MACROD2: variants seen among roughly 807,000 people sequenced by gnomAD.
MACROD2 encodes mono-ADP ribosylhydrolase 2.
In MACROD2, 36 loss-of-function variants were observed where a neutral mutation model predicts 70.4. The observed-to-expected ratio is 0.51, with a 90% CI of 0.39 to 0.68. MACROD2 has a LOEUF of 0.68. MACROD2 is among the 30% of genes least tolerant of loss of function. The probability of loss-of-function intolerance (pLI) is 0.00; values close to 1 mark genes in which losing one functional copy is unlikely to be tolerated. For missense variants in MACROD2, 496 were observed against 538.4 expected (o/e 0.92, Z 0.78); for synonymous variants, 172 against 178.8 (o/e 0.96, Z 0.30).
intron 4 of MACROD2, among the ~76,000 whole-genome samples, chr20:14,586,931 T>G (rs1299591280): frequency 6.6e-6 from 1 of 151,994 alleles, no homozygotes; most frequent in Non-Finnish European, 1.5e-5. Flanking sequence ...TCCAGGATTT[T>G]GACATAATAT....
rs747988053 is a variant in MACROD2, at chr20:14,501,783, G to A, written c.301+8275G>A. Reference sequence around the variant, plus strand: ...GCCCTCTTTTCAGATGTGGAAATACGTTGGTAAAAATTCTAGGCTCTTATA... The same window carrying A: ...GCCCTCTTTTCAGATGTGGAAATACATTGGTAAAAATTCTAGGCTCTTATA... On this transcript the variant is annotated intron_variant, in intron 4 of 17. Coordinates refer to ENST00000684519, the MANE Select transcript of MACROD2 (RefSeq NM_001351661.2). Among the ~76,000 whole-genome samples, 8 of 152,110 alleles carry A rather than the reference G, an allele frequency of 5.3e-5. No individual in the cohort carries two copies. The East Asian group carries it at 5.8e-4, about 11-fold the overall frequency.
chr20:14,844,635 A>G (rs989105014), intron 5 of MACROD2, among the ~76,000 whole-genome samples: 2 of 152,108 alleles, frequency 1.3e-5, no homozygotes, highest in African/African-American at 4.8e-5. Context: ...CTACTTTAGT[A>G]TAAACTCAGA....
At chr20:15,793,515 G>A (rs905052687) in intron 8 of MACROD2, among the ~76,000 whole-genome samples, 7 of 151,820 alleles carry the variant, frequency 4.6e-5, no homozygotes, top group African/African-American at 1.7e-4. Flanking sequence ...AGATTCTGGG[G>A]CATTTTAATT....
chr20:14,836,953 C>T (rs1477370001), intron 5 of MACROD2, among the ~76,000 whole-genome samples: 3 of 151,936 alleles, frequency 2.0e-5, no homozygotes, highest in Non-Finnish European at 4.4e-5. Flanking sequence ...TAGAAAGCAC[C>T]TGTGCTTATA....
intron 15 of MACROD2, among the ~76,000 whole-genome samples, chr20:16,037,617 T>G (rs574813713): frequency 5.9e-5 from 9 of 152,026 alleles, no homozygotes; most frequent in African/African-American, 2.2e-4. Context: ...TATAATCATT[T>G]TACTAGTGAA....
chr20:14,969,945 G>C (rs2074675357), intron 5 of MACROD2, among the ~76,000 whole-genome samples: 1 of 152,024 alleles, frequency 6.6e-6, no homozygotes, highest in Non-Finnish European at 1.5e-5. Flanking sequence ...TCACTGGTTG[G>C]TTGACATATG....
intron 8 of MACROD2, among the ~76,000 whole-genome samples, chr20:15,785,317 T>G (rs537634145): frequency 2.6e-5 from 4 of 152,222 alleles, no homozygotes; most frequent in African/African-American, 9.6e-5. Context: ...AAGCTCTCCC[T>G]CCTGTCAGAG....
chr20:15,025,547 G>A (rs548764463), intron 5 of MACROD2, among the ~76,000 whole-genome samples: 19 of 73,016 alleles, frequency 2.6e-4, no homozygotes, highest in African/African-American at 1.0e-3. Context: ...CCATCCTCAG[G>A]GGCTCCTGAT....
intron 5 of MACROD2, among the ~76,000 whole-genome samples, chr20:15,028,879 T>C (rs2075253591): frequency 6.6e-6 from 1 of 152,126 alleles, no homozygotes; most frequent in African/African-American, 2.4e-5. Context: ...GGATGGCAAG[T>C]AATGAGGTTG....
At chr20:15,945,240 G>A (rs1401158740) in intron 12 of MACROD2, among the ~76,000 whole-genome samples, 1 of 152,098 alleles carries the variant, frequency 6.6e-6, no homozygotes, top group Non-Finnish European at 1.5e-5. Context: ...ATATATATAT[G>A]TTTATTTTAC....
At chr20:15,893,113 A>C (rs1249092307) in intron 10 of MACROD2, 4 of 400,180 alleles carry the variant, frequency 1.0e-5, no homozygotes, top group African/African-American at 6.2e-5. Context: ...GATATTCCTA[A>C]GGGTTAAAAT....
At chr20:14,845,043 T>C (rs1384279040) in intron 5 of MACROD2, among the ~76,000 whole-genome samples, 1 of 152,152 alleles carries the variant, frequency 6.6e-6, no homozygotes, top group South Asian at 2.1e-4. Context: ...CTAGCTCATG[T>C]AATGGTAATG....
At chr20:15,229,315 TTAAC>T (rs1413856658) in intron 5 of MACROD2, among the ~76,000 whole-genome samples, 1 of 152,218 alleles carries the variant, frequency 6.6e-6, no homozygotes, top group East Asian at 1.9e-4. Context: ...AAATAGATAA[TTAAC>T]TATTAACCTA....
At chr20:14,627,480 A>C (rs2123466177) in intron 4 of MACROD2, among the ~76,000 whole-genome samples, 1 of 152,126 alleles carries the variant, frequency 6.6e-6, no homozygotes, top group South Asian at 2.1e-4. Context: ...CTTGTAGTTC[A>C]CCTTCTCCTT....
At chr20:15,280,484 T>G (rs2077434151) in intron 6 of MACROD2, among the ~76,000 whole-genome samples, 1 of 152,184 alleles carries the variant, frequency 6.6e-6, no homozygotes, top group Admixed American at 6.5e-5. Context: ...TTTTGCAAAA[T>G]GAAGAGTCCA....
intron 8 of MACROD2, chr20:15,619,568 T>C: frequency 2.3e-6 from 1 of 436,632 alleles, no homozygotes. Flanking sequence ...TCACCAGTCA[T>C]CAGGTTCTTG....
intron 3 of MACROD2, among the ~76,000 whole-genome samples, chr20:14,243,575 G>A (rs1453845904): frequency 6.6e-6 from 1 of 152,072 alleles, no homozygotes; most frequent in Non-Finnish European, 1.5e-5. Flanking sequence ...ACACAGCTCC[G>A]TTATTCACTT....
chr20:14,955,004 T>C (rs375437956), intron 5 of MACROD2, among the ~76,000 whole-genome samples: 1 of 256 alleles, frequency 3.9e-3, no homozygotes, highest in Non-Finnish European at 8.8e-3. Context: ...ATTATATATT[T>C]ATATTTATAT....
intron 2 of MACROD2, among the ~76,000 whole-genome samples, chr20:14,064,221 C>T (rs1410355788): frequency 6.6e-6 from 1 of 152,062 alleles, no homozygotes; most frequent in Admixed American, 6.6e-5. Context: ...TTCCTTTGCC[C>T]TTCCTATAAA....
Sources: gnomAD v4.1 joint callset for allele counts (sites outside exome capture counted in the v4.1 genomes callset) on GRCh38, gnomAD v4.1.1 for gene constraint, MANE v1.5 for transcripts, NCBI Gene and HGNC (gene_info 2026-07-23, HGNC 2026-07-21) for gene names.